The following DLG2 variants were observed in gnomAD, a reference collection of about 807,000 sequenced individuals.
DLG2 encodes the protein discs large MAGUK scaffold protein 2.
A neutral mutation model predicts 132.5 loss-of-function variants in DLG2; 45 were observed. The observed-to-expected ratio is 0.34, with a 90% CI of 0.27 to 0.44. DLG2 has a LOEUF of 0.44. Among genes scored for constraint, DLG2 ranks in the 20% least tolerant of loss-of-function variants. DLG2 has a pLI of 1.00. For synonymous variants in DLG2, 424 were observed against 419.6 expected (o/e 1.01, Z -0.13); for missense variants, 1,045 against 1,196.9 (o/e 0.87, Z 1.87).
chr11:84,200,235 T>C (rs2096574533), intron 8 of DLG2, among the ~76,000 whole-genome samples: 3 of 152,118 alleles, frequency 2.0e-5, no homozygotes, highest in Admixed American at 6.5e-5. Flanking sequence ...AATTTTACAA[T>C]AGATCATATC....
chr11:85,590,775 T>C (rs1381748779), intron 3 of DLG2, among the ~76,000 whole-genome samples: 1 of 152,100 alleles, frequency 6.6e-6, no homozygotes, highest in Non-Finnish European at 1.5e-5. Context: ...CCTATTGCTT[T>C]TTTGCCAGCT....
chr11:83,505,257 T>C (rs1450935561), intron 21 of DLG2, among the ~76,000 whole-genome samples: 1 of 152,166 alleles, frequency 6.6e-6, no homozygotes, highest in African/African-American at 2.4e-5. Context: ...TGGTGCCATA[T>C]TGAGGGCTCA....
At chr11:85,484,594 T>C (rs1004380073) in intron 3 of DLG2, among the ~76,000 whole-genome samples, 1 of 151,740 alleles carries the variant, frequency 6.6e-6, no homozygotes, top group Non-Finnish European at 1.5e-5. Flanking sequence ...AAAAAACACA[T>C]GAAAAAATGC....
At chr11:84,912,634 A>C (rs2092177787) in intron 6 of DLG2, among the ~76,000 whole-genome samples, 1 of 152,236 alleles carries the variant, frequency 6.6e-6, no homozygotes, top group African/African-American at 2.4e-5. Context: ...ATTGCAGACT[A>C]CTTTGTAAAT....
intron 3 of DLG2, among the ~76,000 whole-genome samples, chr11:85,309,832 C>T (rs1275626155): frequency 6.6e-6 from 1 of 152,136 alleles, no homozygotes; most frequent in Non-Finnish European, 1.5e-5. Context: ...GTCTGGTGCC[C>T]TTGTTCTGTG....
chr11:83,918,152 T>A (rs913483366), intron 15 of DLG2, among the ~76,000 whole-genome samples: 1 of 152,078 alleles, frequency 6.6e-6, no homozygotes, highest in African/African-American at 2.4e-5. Context: ...TGGCATTCCA[T>A]GAAAGAGGTC....
intron 6 of DLG2, among the ~76,000 whole-genome samples, chr11:84,808,635 C>T (rs2076246337): frequency 6.6e-6 from 1 of 151,838 alleles, no homozygotes; most frequent in African/African-American, 2.4e-5. Flanking sequence ...ACTAAAGACC[C>T]TGGAGACATC....
intron 8 of DLG2, among the ~76,000 whole-genome samples, chr11:84,190,365 G>A (rs2096382419): frequency 6.6e-6 from 1 of 152,126 alleles, no homozygotes; most frequent in African/African-American, 2.4e-5. Context: ...TTTCCAAATT[G>A]CATCCGATTT....
chr11:84,859,338 T>TTTC, intron 6 of DLG2, among the ~76,000 whole-genome samples: 1 of 146,760 alleles, frequency 6.8e-6, no homozygotes, highest in East Asian at 2.0e-4. Context: ...TATATAGGTA[T>TTTC]ATATGTAGAT....
intron 11 of DLG2, among the ~76,000 whole-genome samples, chr11:84,022,960 A>G (rs769054596): frequency 6.6e-6 from 1 of 152,134 alleles, no homozygotes; most frequent in Non-Finnish European, 1.5e-5. Context: ...CAGCTTTTTA[A>G]TCTTGTGTTG....
At chr11:85,216,666 A>C (rs917618761) in intron 4 of DLG2, among the ~76,000 whole-genome samples, 3 of 152,040 alleles carry the variant, frequency 2.0e-5, no homozygotes, top group African/African-American at 7.2e-5. Flanking sequence ...AGGGTCGGTC[A>C]CCTAGTTGAG....
At chr11:84,041,214 A>AT (rs1196696129) in intron 11 of DLG2, among the ~76,000 whole-genome samples, 3 of 151,922 alleles carry the variant, frequency 2.0e-5, no homozygotes, top group Admixed American at 6.6e-5. Flanking sequence ...TGTCATTTAG[A>AT]TTTTTTTGGT....
intron 3 of DLG2, among the ~76,000 whole-genome samples, chr11:85,578,862 G>A (rs574683393): frequency 3.9e-4 from 60 of 152,190 alleles, no homozygotes; most frequent in African/African-American, 1.2e-3. Flanking sequence ...ACCATTTGAC[G>A]TAGCAATCTC....
At chr11:84,224,515 C>T (rs2096962334) in intron 8 of DLG2, among the ~76,000 whole-genome samples, 1 of 152,198 alleles carries the variant, frequency 6.6e-6, no homozygotes, top group Non-Finnish European at 1.5e-5. Flanking sequence ...ATGATAATGA[C>T]AGCTAAGACA....
At chr11:84,575,654 T>A (rs1037196386) in intron 6 of DLG2, among the ~76,000 whole-genome samples, 14 of 152,208 alleles carry the variant, frequency 9.2e-5, no homozygotes, top group Admixed American at 6.5e-5. Flanking sequence ...GTATCTAACA[T>A]CTCAAGTATG....
At chr11:85,282,049 C>T (rs761771199) in intron 4 of DLG2, among the ~76,000 whole-genome samples, 4 of 151,650 alleles carry the variant, frequency 2.6e-5, no homozygotes, top group Non-Finnish European at 5.9e-5. Flanking sequence ...AATAAATAAA[C>T]TCCTGTCATT....
chr11:83,702,165 T>C lies in DLG2; in HGVS notation c.1826-68840A>G, dbSNP rs181124598. Among the ~76,000 whole-genome samples, 206 of 152,254 alleles carry C rather than the reference T, an allele frequency of 1.4e-3. 2 individuals are homozygous for C. Among genetic ancestry groups the C allele is most frequent in the Admixed American group, 1.8e-3 (28 of 15,286 alleles). On this transcript the variant is annotated intron_variant, in intron 18 of 27. Coordinates refer to ENST00000376104, the MANE Select transcript of DLG2 (RefSeq NM_001142699.3). ...TTCCCCTTAACTTTCACTTTTTTTT[T>C]CCCCTAACATATCTTCTCTTAAACA...
Position 84,839,808 on chromosome 11 carries a change from T to A in DLG2, c.357+271853A>T, listed in dbSNP as rs1218277241. ...CCATATGTAGAAAGCTGAAACTGGA[T>A]CCCTTCCTTACACCTTATACAAAAA... is the stretch of plus-strand genomic sequence containing the variant. On this transcript the variant is annotated intron_variant, in intron 6 of 27. Coordinates refer to ENST00000376104, the MANE Select transcript of DLG2 (RefSeq NM_001142699.3). 1.1e-4 allele frequency among the ~76,000 whole-genome samples: 17 copies of A among 152,102 alleles called. 1 individual carries two copies. Among genetic ancestry groups the A allele is most frequent in the Admixed American group, 9.2e-4 (14 of 15,254 alleles).
At chr11:84,977,272 C>T (rs906270929) in intron 6 of DLG2, among the ~76,000 whole-genome samples, 2 of 152,108 alleles carry the variant, frequency 1.3e-5, no homozygotes, top group Non-Finnish European at 2.9e-5. Flanking sequence ...CTTTCTCTTT[C>T]TATCTCTTTT....
Sources: allele counts gnomAD v4.1 joint callset (sites outside exome capture counted in the v4.1 genomes callset), GRCh38; gene constraint gnomAD v4.1.1; transcripts MANE v1.5; gene names NCBI Gene and HGNC (gene_info 2026-07-23, HGNC 2026-07-21).